The following UNC93A variants were observed in gnomAD, a reference collection of about 807,000 sequenced individuals.
UNC93A encodes N-acetylglucosamine transporter UNC93A.
Under a neutral mutation model 47.5 loss-of-function variants are expected in UNC93A, and 43 were observed. The ratio of observed to expected loss-of-function variants is 0.91; its 90% CI spans 0.71 to 1.17. UNC93A has a LOEUF of 1.17. Among genes scored for constraint, UNC93A ranks in the 50% most tolerant of loss-of-function variants. The pLI, the probability that UNC93A is intolerant of heterozygous loss-of-function variation, is 0.00. For synonymous variants in UNC93A, 280 were observed against 258.0 expected (o/e 1.09, Z -0.82); for missense variants, 605 against 577.6 (o/e 1.05, Z -0.49).
intron 4 of UNC93A, among the ~76,000 whole-genome samples, chr6:167,300,026 G>A (rs748412092): frequency 3.3e-5 from 5 of 151,886 alleles, no homozygotes; most frequent in Non-Finnish European, 7.4e-5. Context: ...CTGAGAGAGA[G>A]GCCAGCAGGG....
chr6:167,276,731 C>T (rs1783549964), intron 1 of UNC93A, among the ~76,000 whole-genome samples: 1 of 152,074 alleles, frequency 6.6e-6, no homozygotes, highest in Admixed American at 6.5e-5. Context: ...GACACTACTG[C>T]TGTTGTTTGT....
intron 1 of UNC93A, among the ~76,000 whole-genome samples, chr6:167,274,493 C>T (rs1175610874): frequency 6.6e-6 from 1 of 152,104 alleles, no homozygotes; most frequent in Non-Finnish European, 1.5e-5. Flanking sequence ...TCTTCCTGCC[C>T]AAATTTCTGC....
intron 4 of UNC93A, among the ~76,000 whole-genome samples, chr6:167,303,069 G>T (rs563427109): frequency 1.3e-5 from 2 of 152,144 alleles, no homozygotes; most frequent in African/African-American, 2.4e-5. Context: ...GACACCACCC[G>T]TGGTTTCAGG....
At chr6:167,309,293 G>A (rs951483456) in intron 7 of UNC93A, among the ~76,000 whole-genome samples, 4 of 152,234 alleles carry the variant, frequency 2.6e-5, no homozygotes, top group Non-Finnish European at 5.9e-5. Context: ...TCACTAGGAA[G>A]AGAAGGAAGC....
chr6:167,270,254 T>C (rs559919938), upstream of UNC93A, among the ~76,000 whole-genome samples: 2 of 152,330 alleles, frequency 1.3e-5, no homozygotes, highest in South Asian at 4.1e-4. Flanking sequence ...GGCACATACC[T>C]GTTAATGGCT....
chr6:167,298,216 A>G (rs55635648), intron 4 of UNC93A, 146 bp downstream of exon 4: 76,030 of 1,287,100 alleles, frequency 0.059, 2,612 homozygotes, highest in South Asian at 0.11. Context: ...TCTGGATTAT[A>G]TGCAGGCGGT....
upstream of UNC93A, among the ~76,000 whole-genome samples, chr6:167,289,497 A>G (rs563689029): frequency 1.5e-3 from 225 of 152,334 alleles, 1 homozygote; most frequent in African/African-American, 5.3e-3. Context: ...CAGAAATTCA[A>G]TCCTAGTAGA....
At chr6:167,300,245 G>A (rs1025217743) in intron 4 of UNC93A, among the ~76,000 whole-genome samples, 6 of 152,222 alleles carry the variant, frequency 3.9e-5, no homozygotes, top group African/African-American at 7.2e-5. Context: ...CTGGAATCAT[G>A]TCAGGGATGA....
At position 167,312,815 on chromosome 6, in the gene UNC93A, A is replaced by T. The variant is rs76121597; in HGVS notation, c.1109-2372A>T. ...CCATGCAATTCAAAACAATAAATGC[A>T]TTGCTTTCTTTATGTTTGGATTAAA... On this transcript the variant is annotated intron_variant, in intron 7 of 7. Coordinates refer to ENST00000230256, the MANE Select transcript of UNC93A (RefSeq NM_018974.4). Among the ~76,000 whole-genome samples, 1,440 of 152,330 alleles carry T rather than the reference A, an allele frequency of 9.5e-3. 27 individuals carry two copies. Among genetic ancestry groups the T allele is most frequent in the African/African-American group, 0.033 (1,355 of 41,568 alleles).
At chr6:167,276,777 T>C (rs1783550984) in intron 1 of UNC93A, among the ~76,000 whole-genome samples, 1 of 152,216 alleles carries the variant, frequency 6.6e-6, no homozygotes, top group South Asian at 2.1e-4. Flanking sequence ...AAAAATGTAT[T>C]TATGGGTAGC....
intron 7 of UNC93A, 91 bp from the exon 8 acceptor site, chr6:167,315,096 A>C (rs1778654801): frequency 6.5e-7 from 1 of 1,532,326 alleles, no homozygotes. Flanking sequence ...TTAGTTGAGA[A>C]AATGGGGCAG....
chr6:167,270,784 G>A (rs1362190155), upstream of UNC93A, among the ~76,000 whole-genome samples: 1 of 152,152 alleles, frequency 6.6e-6, no homozygotes, highest in African/African-American at 2.4e-5. Flanking sequence ...GGGTTTCCCC[G>A]AACACCAGAG....
intron 6 of UNC93A, 71 bp from the exon 7 acceptor site, chr6:167,307,708 C>A: frequency 1.3e-6 from 2 of 1,521,768 alleles, no homozygotes; most frequent in East Asian, 2.5e-5. Flanking sequence ...CCAGCACTGA[C>A]CCACCTCCAG....
At chr6:167,270,933 A>G (rs1783441543), upstream of UNC93A, among the ~76,000 whole-genome samples, 2 of 152,178 alleles carry the variant, frequency 1.3e-5, no homozygotes, top group Admixed American at 6.5e-5. Context: ...AGAAACTAAC[A>G]CAAAGGGGCA....
chr6:167,300,366 A>G (rs1298816046), intron 4 of UNC93A, among the ~76,000 whole-genome samples: 1 of 152,142 alleles, frequency 6.6e-6, no homozygotes, highest in Non-Finnish European at 1.5e-5. Flanking sequence ...TTGGAAGGAG[A>G]CAGAAAACCA....
At position 167,303,923 on chromosome 6, in the gene UNC93A, T is replaced by G. The variant is rs901147211; in HGVS notation, c.630T>G (p.Ser210Arg). 1 of 1,612,964 alleles carries G rather than the reference T, an allele frequency of 6.2e-7. No homozygotes were observed. Among genetic ancestry groups the G allele is most frequent in the Non-Finnish European group, 8.5e-7 (1 of 1,179,848 alleles). ...GCCTTTGCTATGTCCTTTCAGGGAG[T>G]GGTGTCCTGGCTGTCCTGATGATAG... is the stretch of plus-strand genomic sequence containing the variant. ...VYTLLGIYTGSGVLAVLMIAA... is the reference protein window; with the variant it reads ...VYTLLGIYTGRGVLAVLMIAA... The change falls in exon 5 of 8, where the codon AGT becomes AGG. Residue 210 changes from serine (S) to arginine (R), a missense_variant. Transcript: ENST00000230256.
At chr6:167,273,352 G>A (rs1783482937) in intron 1 of UNC93A, among the ~76,000 whole-genome samples, 1 of 149,880 alleles carries the variant, frequency 6.7e-6, no homozygotes, top group East Asian at 1.9e-4. Flanking sequence ...GCCTCCATCG[G>A]GTGTGGAGAG....
chr6:167,281,673 G>A (rs1480088603), intron 1 of UNC93A, among the ~76,000 whole-genome samples: 1 of 152,164 alleles, frequency 6.6e-6, no homozygotes, highest in Non-Finnish European at 1.5e-5. Flanking sequence ...TGGATTAGGG[G>A]CTGTCAAAAA....
In UNC93A at chr6:167,307,045, G is replaced by C. The variant is rs79717254; in HGVS notation, c.977-734G>C. 4.3e-3 allele frequency among the ~76,000 whole-genome samples: 658 copies of C among 152,286 alleles called. 6 individuals are homozygous for C. The highest frequency in any genetic ancestry group is 0.015 in the African/African-American group (630 of 41,530). On this transcript the variant is annotated intron_variant, in intron 6 of 7. Transcript: ENST00000230256. The stretch of plus-strand genomic sequence containing the variant: ...TTGTCCCCATGCCCCTACTTGGAAG[G>C]CTCAGATGAAACCATGGGCACACTT...
Sources: gnomAD v4.1 joint callset for allele counts (sites outside exome capture counted in the v4.1 genomes callset) on GRCh38, gnomAD v4.1.1 for gene constraint, MANE v1.5 for transcripts, NCBI Gene and HGNC (gene_info 2026-07-23, HGNC 2026-07-21) for gene names.